SDK1: variants seen among roughly 807,000 people sequenced by gnomAD.
SDK1 encodes sidekick cell adhesion molecule 1, also known as protein sidekick-1.
In SDK1, 157 loss-of-function variants were observed where a neutral mutation model predicts 245.5. That is an observed-to-expected ratio of 0.64 (90% confidence interval 0.56 to 0.73). SDK1 has a LOEUF of 0.73. Ranked by LOEUF, SDK1 falls within the 30% of genes least tolerant of loss-of-function variation. The probability of loss-of-function intolerance (pLI) is 0.00; values close to 1 mark genes in which losing one functional copy is unlikely to be tolerated. For synonymous variants in SDK1, 1,647 were observed against 1,278.5 expected (o/e 1.29, Z -6.15); for missense variants, 3,583 against 3,002.3 (o/e 1.19, Z -4.52).
chr7:4,147,888 G>C (rs56282774), intron 29 of SDK1, among the ~76,000 whole-genome samples: 8,291 of 152,098 alleles, frequency 0.055, 492 homozygotes, highest in African/African-American at 0.15. Context: ...CCCCTCCCGC[G>C]AGCCAGGCAC....
chr7:3,570,716 C>T (rs554729962), intron 1 of SDK1, among the ~76,000 whole-genome samples: 12 of 152,306 alleles, frequency 7.9e-5, no homozygotes, highest in East Asian at 5.8e-4. Context: ...TCTCACGTAA[C>T]GAGGCCTGTG....
chr7:3,850,372 C>A (rs1780389118), intron 5 of SDK1, among the ~76,000 whole-genome samples: 1 of 152,126 alleles, frequency 6.6e-6, no homozygotes, highest in South Asian at 2.1e-4. Context: ...TTACTCTTTT[C>A]TGGAATGAAA....
intron 5 of SDK1, among the ~76,000 whole-genome samples, chr7:3,824,899 C>A (rs192055157): frequency 6.6e-6 from 1 of 152,080 alleles, no homozygotes; most frequent in African/African-American, 2.4e-5. Flanking sequence ...TCCCCTCTTG[C>A]GTGGTTAAGA....
chr7:4,226,254 G>A (rs1451774225), intron 40 of SDK1, among the ~76,000 whole-genome samples: 1 of 152,222 alleles, frequency 6.6e-6, no homozygotes, highest in Non-Finnish European at 1.5e-5. Context: ...GGCCCTCACC[G>A]CTGGGTATCT....
intron 23 of SDK1, 54 bp from the exon 24 acceptor site, chr7:4,113,235 T>G: frequency 6.3e-7 from 1 of 1,580,756 alleles, no homozygotes; most frequent in Non-Finnish European, 8.6e-7. Context: ...GGTTTCGTTC[T>G]TTTCCTTCTT....
intron 1 of SDK1, among the ~76,000 whole-genome samples, chr7:3,458,811 A>G (rs567604414): frequency 8.6e-4 from 131 of 152,298 alleles, no homozygotes; most frequent in Non-Finnish European, 1.5e-3. Flanking sequence ...AATACAGATT[A>G]CGTTTCATTG....
chr7:3,358,428 CGTT>C (rs1780865511), intron 1 of SDK1, among the ~76,000 whole-genome samples: 1 of 104,302 alleles, frequency 9.6e-6, no homozygotes, highest in African/African-American at 5.8e-5. Flanking sequence ...ATCATTACAA[CGTT>C]TTTTTTTTTT....
At chr7:4,055,308 G>C (rs181242409) in intron 19 of SDK1, among the ~76,000 whole-genome samples, 2 of 152,222 alleles carry the variant, frequency 1.3e-5, no homozygotes, top group Admixed American at 1.3e-4. Flanking sequence ...GTTTCATCTT[G>C]GCTGAGTTTT....
intron 4 of SDK1, among the ~76,000 whole-genome samples, chr7:3,781,816 A>C (rs1229638287): frequency 6.6e-6 from 1 of 152,206 alleles, no homozygotes; most frequent in Non-Finnish European, 1.5e-5. Context: ...ACTGTCGAGC[A>C]GAAGAAAGAA....
At chr7:3,726,563 G>A (rs183553581) in intron 4 of SDK1, among the ~76,000 whole-genome samples, 4 of 152,182 alleles carry the variant, frequency 2.6e-5, no homozygotes, top group Admixed American at 2.6e-4. Flanking sequence ...TCCATTGCAA[G>A]GCAATTGTTA....
At chr7:3,602,376 G>A (rs907376527) in intron 1 of SDK1, among the ~76,000 whole-genome samples, 1 of 151,834 alleles carries the variant, frequency 6.6e-6, no homozygotes, top group Non-Finnish European at 1.5e-5. Flanking sequence ...TATTCTAACT[G>A]GTGTGAGATG....
intron 1 of SDK1, among the ~76,000 whole-genome samples, chr7:3,449,849 C>T (rs760823328): frequency 7.9e-5 from 12 of 152,146 alleles, no homozygotes; most frequent in Non-Finnish European, 1.3e-4. Flanking sequence ...TCTTTGCCCT[C>T]CTATAGCTTA....
chr7:3,614,803 C>G (rs1302211795), intron 1 of SDK1, among the ~76,000 whole-genome samples: 5 of 152,054 alleles, frequency 3.3e-5, no homozygotes, highest in Non-Finnish European at 7.4e-5. Context: ...ACATATTTTC[C>G]CTTCCCTTCT....
At position 4,198,476 on chromosome 7, in the gene SDK1, C is replaced by T. The variant is rs551416007; in HGVS notation, c.5099-7403C>T. 7.9e-4 allele frequency among the ~76,000 whole-genome samples: 121 copies of T among 152,324 alleles called. 1 individual carries two copies. Among genetic ancestry groups the T allele is most frequent in the African/African-American group, 2.8e-3 (117 of 41,558 alleles). ...CCTCCTGCACTTCCTTCCTCTGCCT[C>T]GGAGCAGGATCTGCAAACAGCTCAG... On this transcript the variant is annotated intron_variant, in intron 35 of 44. Transcript: ENST00000404826.
chr7:3,389,242 A>G (rs145655410), intron 1 of SDK1, among the ~76,000 whole-genome samples: 2 of 152,290 alleles, frequency 1.3e-5, no homozygotes, highest in East Asian at 3.9e-4. Context: ...TGATAAAATG[A>G]GACTACAGAT....
intron 4 of SDK1, among the ~76,000 whole-genome samples, chr7:3,722,720 C>A (rs1424248087): frequency 2.0e-5 from 3 of 152,200 alleles, no homozygotes; most frequent in Non-Finnish European, 2.9e-5. Flanking sequence ...TGCCCCACCC[C>A]CTGGTGCAGA....
intron 1 of SDK1, among the ~76,000 whole-genome samples, chr7:3,543,522 C>T (rs1779116106): frequency 6.6e-6 from 1 of 152,172 alleles, no homozygotes; most frequent in Non-Finnish European, 1.5e-5. Flanking sequence ...CTTGCAGGGG[C>T]CACCTCTACT....
At chr7:3,491,989 G>A (rs1263214000) in intron 1 of SDK1, among the ~76,000 whole-genome samples, 1 of 152,116 alleles carries the variant, frequency 6.6e-6, no homozygotes, top group Non-Finnish European at 1.5e-5. Flanking sequence ...CTATCCATAT[G>A]GAACACATTA....
At chr7:3,807,121 C>G (rs1294486103) in intron 4 of SDK1, among the ~76,000 whole-genome samples, 1 of 152,060 alleles carries the variant, frequency 6.6e-6, no homozygotes, top group Non-Finnish European at 1.5e-5. Flanking sequence ...AAGTTCTTAC[C>G]TTTTGAGAAA....
Sources: allele counts gnomAD v4.1 joint callset (sites outside exome capture counted in the v4.1 genomes callset), GRCh38; gene constraint gnomAD v4.1.1; transcripts MANE v1.5; gene names NCBI Gene and HGNC (gene_info 2026-07-23, HGNC 2026-07-21).